ATP8B4: variants seen among roughly 807,000 people sequenced by gnomAD.
ATP8B4 encodes the protein probable phospholipid-transporting ATPase IM.
In ATP8B4, 133 loss-of-function variants were observed where a neutral mutation model predicts 145.6. That is an observed-to-expected ratio of 0.91 (90% confidence interval 0.79 to 1.05). The LOEUF is 1.05. ATP8B4 is among the 50% of genes least tolerant of loss of function. The pLI is 0.00. For synonymous variants in ATP8B4, 507 were observed against 492.9 expected (o/e 1.03, Z -0.38); for missense variants, 1,458 against 1,425.2 (o/e 1.02, Z -0.37).
intron 20 of ATP8B4, among the ~76,000 whole-genome samples, chr15:49,913,777 G>A (rs977286969): frequency 9.9e-5 from 15 of 152,186 alleles, no homozygotes; most frequent in African/African-American, 3.1e-4. Flanking sequence ...ATTTACAATA[G>A]CTGTAAAAAA....
At chr15:50,090,301 A>G (rs977333131) in intron 2 of ATP8B4, among the ~76,000 whole-genome samples, 4 of 152,194 alleles carry the variant, frequency 2.6e-5, no homozygotes, top group African/African-American at 9.7e-5. Flanking sequence ...TAGATGCAGC[A>G]AACCACCACA....
intron 23 of ATP8B4, chr15:49,895,644 T>C (rs2037322536): frequency 6.6e-6 from 1 of 152,246 alleles, no homozygotes; most frequent in Non-Finnish European, 1.5e-5. Context: ...GGGCAATTAT[T>C]GTTCTCCCTT....
intron 13 of ATP8B4, among the ~76,000 whole-genome samples, chr15:49,963,124 T>C (rs2044228641): frequency 6.6e-6 from 1 of 152,070 alleles, no homozygotes; most frequent in African/African-American, 2.4e-5. Context: ...GAACAGACAC[T>C]TCTCAAAAGA....
At chr15:50,052,640 T>G (rs1311690491) in intron 3 of ATP8B4, among the ~76,000 whole-genome samples, 2 of 151,804 alleles carry the variant, frequency 1.3e-5, no homozygotes, top group Non-Finnish European at 2.9e-5. Context: ...TGGGAGAGAG[T>G]GTCACACCAG....
intron 17 of ATP8B4, among the ~76,000 whole-genome samples, chr15:49,922,650 G>T (rs1450845192): frequency 1.3e-5 from 2 of 152,100 alleles, no homozygotes; most frequent in Non-Finnish European, 2.9e-5. Flanking sequence ...TGACAGTTTT[G>T]ACCAGATGCC....
intron 1 of ATP8B4, among the ~76,000 whole-genome samples, chr15:50,165,869 A>C (rs2044589445): frequency 6.6e-6 from 1 of 152,108 alleles, no homozygotes; most frequent in Admixed American, 6.6e-5. Flanking sequence ...GAAGAGAGAT[A>C]ACAGAACAGA....
At chr15:50,131,252 A>G (rs561962620) in intron 1 of ATP8B4, among the ~76,000 whole-genome samples, 2 of 152,358 alleles carry the variant, frequency 1.3e-5, no homozygotes, top group South Asian at 4.1e-4. Flanking sequence ...AACCACATCA[A>G]TAATGATAGG....
At chr15:49,876,657 A>T (rs1287754874) in intron 24 of ATP8B4, 134 bp from the exon 25 acceptor site, 1 of 1,215,114 alleles carries the variant, frequency 8.2e-7, no homozygotes, top group Admixed American at 1.9e-5. Flanking sequence ...CCAGAACAGG[A>T]CATTATCTTG....
chr15:49,879,224 G>T, intron 24 of ATP8B4, 152 bp downstream of exon 24: 2 of 669,374 alleles, frequency 3.0e-6, no homozygotes, highest in East Asian at 5.6e-5. Context: ...GAGGCACAGT[G>T]GACCTGGAAG....
At chr15:50,134,182 G>A (rs886794299) in intron 1 of ATP8B4, among the ~76,000 whole-genome samples, 7 of 151,894 alleles carry the variant, frequency 4.6e-5, no homozygotes, top group African/African-American at 1.7e-4. Flanking sequence ...CTGTCAGTGA[G>A]AGGGAAATGG....
chr15:50,015,466 T>C (rs543080706), intron 6 of ATP8B4, among the ~76,000 whole-genome samples: 1 of 152,246 alleles, frequency 6.6e-6, no homozygotes, highest in African/African-American at 2.4e-5. Context: ...ACAAAGCCCA[T>C]GCTCTTAATA....
intron 2 of ATP8B4, among the ~76,000 whole-genome samples, chr15:50,087,174 A>G (rs1426902397): frequency 3.1e-5 from 4 of 128,546 alleles, no homozygotes; most frequent in Non-Finnish European, 1.6e-5. Context: ...TCTATTATAT[A>G]TAATAAATAG....
At chr15:50,177,921 G>C (rs1275950450) in intron 1 of ATP8B4, among the ~76,000 whole-genome samples, 1 of 152,170 alleles carries the variant, frequency 6.6e-6, no homozygotes, top group Non-Finnish European at 1.5e-5. Context: ...GAACATTTGA[G>C]ATTGGGATTG....
At chr15:50,083,969 A>G (rs948579712) in intron 2 of ATP8B4, among the ~76,000 whole-genome samples, 2 of 152,184 alleles carry the variant, frequency 1.3e-5, no homozygotes, top group Non-Finnish European at 2.9e-5. Flanking sequence ...GATGCAGAAG[A>G]CAGGCCAGAG....
chr15:50,046,735 A>C (rs1317141002), intron 4 of ATP8B4, among the ~76,000 whole-genome samples: 1 of 152,248 alleles, frequency 6.6e-6, no homozygotes, highest in African/African-American at 2.4e-5. Context: ...GTATGTGTAC[A>C]GTATATATGT....
chr15:50,115,317 C>T (rs1050583932), intron 1 of ATP8B4, among the ~76,000 whole-genome samples: 1 of 151,922 alleles, frequency 6.6e-6, no homozygotes, highest in Non-Finnish European at 1.5e-5. Flanking sequence ...GCCTGGGTGA[C>T]ACAGAAGACC....
intron 1 of ATP8B4, among the ~76,000 whole-genome samples, chr15:50,146,278 C>T (rs941989654): frequency 1.2e-4 from 18 of 151,936 alleles, no homozygotes; most frequent in African/African-American, 3.9e-4. Context: ...CCCAAAGTGC[C>T]GGGATTACAG....
At chr15:50,087,275 TAATAG>T (rs1345764217) in intron 2 of ATP8B4, among the ~76,000 whole-genome samples, 5 of 136,314 alleles carry the variant, frequency 3.7e-5, no homozygotes, top group African/African-American at 1.4e-4. Context: ...GTATTATATA[TAATAG>T]AATAATATAT....
At chr15:50,051,118 T>C (rs1047690252) in intron 3 of ATP8B4, among the ~76,000 whole-genome samples, 1 of 152,216 alleles carries the variant, frequency 6.6e-6, no homozygotes, top group African/African-American at 2.4e-5. Flanking sequence ...GATAACTGAA[T>C]CATTAGAGTG....
Sources: allele counts gnomAD v4.1 joint callset (sites outside exome capture counted in the v4.1 genomes callset), GRCh38; gene constraint gnomAD v4.1.1; transcripts MANE v1.5; gene names NCBI Gene and HGNC (gene_info 2026-07-23, HGNC 2026-07-21).